The following PLGRKT variants were observed in gnomAD, a reference collection of about 807,000 sequenced individuals.
The protein encoded by PLGRKT is plasminogen receptor with a C-terminal lysine.
Under a neutral mutation model 18.5 loss-of-function variants are expected in PLGRKT, and 22 were observed. The observed-to-expected ratio is 1.19, with a 90% CI of 0.85 to 1.70. PLGRKT has a LOEUF of 1.70. PLGRKT is among the 40% of genes most tolerant of loss of function. The probability of loss-of-function intolerance (pLI) is 0.00; values close to 1 mark genes in which losing one functional copy is unlikely to be tolerated. For synonymous variants in PLGRKT, 72 were observed against 52.8 expected (o/e 1.36, Z -1.58); for missense variants, 235 against 174.4 (o/e 1.35, Z -1.96).
chr9:5,361,046 CA>C, intron 5 of PLGRKT, 31 bp downstream of exon 5: 1 of 1,087,236 alleles, frequency 9.2e-7, no homozygotes. Context: ...AATAAATCAG[CA>C]AATAGAAACT....
At chr9:5,404,123 G>C (rs1190526618) in intron 3 of PLGRKT, among the ~76,000 whole-genome samples, 1 of 152,150 alleles carries the variant, frequency 6.6e-6, no homozygotes, top group Non-Finnish European at 1.5e-5. Flanking sequence ...TGAAATTGAG[G>C]CAGTAATGAA....
Position 5,418,677 on chromosome 9 carries a change from C to T in PLGRKT, c.81+13220G>A. On this transcript the variant is annotated intron_variant, in intron 3 of 5. Transcript: ENST00000223864. The surrounding 1 kb of genome is among the most constrained non-coding windows in gnomAD (Gnocchi z 4.2). ...GCTCCTTGGAGATGGGCAGGGGCAG[C>T]ATGTAGCACCCACTGCCGGGAAGTC... 1 of 667,238 alleles carries T rather than the reference C, an allele frequency of 1.5e-6. No homozygotes were observed. The highest frequency in any genetic ancestry group is 2.8e-5 in the East Asian group (1 of 35,732). The allele number at this position is 667,238 out of a possible 1,614,324, so 41.3% of individuals were successfully genotyped here. A position where few individuals can be genotyped will look rare whatever the true frequency, so the allele number is the denominator to read the frequency against.
At chr9:5,387,956 A>G (rs1052919121) in intron 3 of PLGRKT, among the ~76,000 whole-genome samples, 11 of 151,712 alleles carry the variant, frequency 7.3e-5, no homozygotes, top group Admixed American at 2.0e-4. Context: ...TGGAATTGGG[A>G]GCTGAAATGA....
At position 5,418,035 on chromosome 9, in the gene PLGRKT, T is replaced by C. The variant is rs1250790954; in HGVS notation, c.81+13862A>G. ...TCGAGAAGATCACATTGTACGCACTTGTGGAGTTTAACGTCTAAGTAGAAT... is the reference window on the plus strand; with the variant it reads ...TCGAGAAGATCACATTGTACGCACTCGTGGAGTTTAACGTCTAAGTAGAAT... On this transcript the variant is annotated intron_variant, in intron 3 of 5. Coordinates refer to ENST00000223864, the MANE Select transcript of PLGRKT (RefSeq NM_018465.4). This position sits in a 1 kb window ranked among gnomAD's most constrained non-coding sequence, Gnocchi z 4.2. Among the ~76,000 whole-genome samples, 2 of 152,234 alleles carry C rather than the reference T, an allele frequency of 1.3e-5. No individual in the cohort carries two copies. The highest frequency in any genetic ancestry group is 2.4e-5 in the African/African-American group (1 of 41,462).
At chr9:5,401,956 AT>A (rs529922116) in intron 3 of PLGRKT, among the ~76,000 whole-genome samples, 1,902 of 150,166 alleles carry the variant, frequency 0.013, 71 homozygotes, top group African/African-American at 0.045. Flanking sequence ...TTTAGTGTGG[AT>A]TTTTTTTTTC....
rs577465133 is a variant in PLGRKT, at chr9:5,391,563, G to C, written c.82-29675C>G. 4.0e-5 allele frequency among the ~76,000 whole-genome samples: 6 copies of C among 151,874 alleles called. No individual in the cohort carries two copies. The South Asian group carries it at 1.2e-3, about 32-fold the overall frequency. Reference sequence around the variant, plus strand: ...AAGCAGTGATAAACTGGTGTAGACCGAACTCTGCTTTCTCCATGTCACCCT... The same window carrying C: ...AAGCAGTGATAAACTGGTGTAGACCCAACTCTGCTTTCTCCATGTCACCCT... On this transcript the variant is annotated intron_variant, in intron 3 of 5. Transcript: ENST00000223864.
intron 3 of PLGRKT, among the ~76,000 whole-genome samples, chr9:5,388,336 G>C (rs1398309300): frequency 1.3e-5 from 2 of 151,898 alleles, no homozygotes; most frequent in Non-Finnish European, 2.9e-5. Flanking sequence ...AAGTTGCTGA[G>C]AAATTGGGTG....
intron 3 of PLGRKT, among the ~76,000 whole-genome samples, chr9:5,366,145 T>G (rs1817381861): frequency 6.6e-6 from 1 of 152,170 alleles, no homozygotes; most frequent in Non-Finnish European, 1.5e-5. Flanking sequence ...ATCAAATTAA[T>G]AAACTTGACT....
At chr9:5,359,478 A>T (rs1452739171) in intron 5 of PLGRKT, among the ~76,000 whole-genome samples, 6 of 152,210 alleles carry the variant, frequency 3.9e-5, no homozygotes, top group African/African-American at 4.8e-5. Flanking sequence ...AGCAAGTAAA[A>T]TTCATTATAA....
At chr9:5,429,775 G>C (rs1003397307) in intron 3 of PLGRKT, among the ~76,000 whole-genome samples, 2 of 152,182 alleles carry the variant, frequency 1.3e-5, no homozygotes, top group Admixed American at 6.5e-5. Flanking sequence ...TGAATTTGGA[G>C]ACAGGAGACA....
chr9:5,389,061 G>C (rs1817897267), intron 3 of PLGRKT, among the ~76,000 whole-genome samples: 1 of 151,962 alleles, frequency 6.6e-6, no homozygotes, highest in Non-Finnish European at 1.5e-5. Flanking sequence ...GAGGGTATTA[G>C]AGAGGACTTA....
At chr9:5,399,269 T>C (rs1053064647) in intron 3 of PLGRKT, among the ~76,000 whole-genome samples, 2 of 151,936 alleles carry the variant, frequency 1.3e-5, no homozygotes, top group African/African-American at 2.4e-5. Flanking sequence ...ATTTAATTCA[T>C]AGACCAGCCA....
At chr9:5,407,541 G>A (rs1306941884) in intron 3 of PLGRKT, among the ~76,000 whole-genome samples, 1 of 152,018 alleles carries the variant, frequency 6.6e-6, no homozygotes, top group East Asian at 1.9e-4. Context: ...TTTAAAAAGT[G>A]TTGAGTAAAT....
chr9:5,375,206 T>C (rs933803123), intron 3 of PLGRKT, among the ~76,000 whole-genome samples: 3 of 152,240 alleles, frequency 2.0e-5, no homozygotes, highest in African/African-American at 7.2e-5. Flanking sequence ...AGTTGTTTAG[T>C]CACACTGACT....
intron 3 of PLGRKT, among the ~76,000 whole-genome samples, chr9:5,396,975 A>T (rs1425604476): frequency 6.6e-6 from 1 of 152,036 alleles, no homozygotes; most frequent in Non-Finnish European, 1.5e-5. Flanking sequence ...CAGTGACAAT[A>T]AAGGCAAACA....
intron 3 of PLGRKT, chr9:5,392,481 C>T (rs1272621491): frequency 6.6e-6 from 1 of 151,926 alleles, no homozygotes; most frequent in Non-Finnish European, 1.5e-5. Context: ...CACATTCTCA[C>T]ATTAGCATGT....
At chr9:5,374,472 TG>T (rs1362555937) in intron 3 of PLGRKT, among the ~76,000 whole-genome samples, 2 of 152,250 alleles carry the variant, frequency 1.3e-5, no homozygotes, top group Non-Finnish European at 2.9e-5. Flanking sequence ...CTTCATGTCC[TG>T]CCAGGCTTTT....
Position 5,434,318 on chromosome 9 carries a change from G to A in PLGRKT, c.-7+2251C>T, listed in dbSNP as rs527502653. On this transcript the variant is annotated intron_variant, in intron 2 of 5. Coordinates refer to ENST00000223864, the MANE Select transcript of PLGRKT (RefSeq NM_018465.4). The stretch of plus-strand genomic sequence containing the variant: ...CGGCCGCCCCGTCTGGGAAGTGGGC[G>A]CCTCTGCCTGGCCACCCCGTCTGGG... Among the ~76,000 whole-genome samples, 848 of 139,166 alleles carry A rather than the reference G, an allele frequency of 6.1e-3. 10 individuals are homozygous for A. Among genetic ancestry groups the A allele is most frequent in the African/African-American group, 0.022 (809 of 36,318 alleles). 91.3% of individuals were successfully genotyped at this position (139,166 alleles called of 152,430 possible). A position where few individuals can be genotyped will look rare whatever the true frequency, so the allele number is the denominator to read the frequency against.
At chr9:5,385,913 C>T (rs959546973) in intron 3 of PLGRKT, among the ~76,000 whole-genome samples, 3 of 151,780 alleles carry the variant, frequency 2.0e-5, no homozygotes, top group Non-Finnish European at 4.4e-5. Context: ...TGCCCATTAG[C>T]ATTATTTTAG....
Sources: gnomAD v4.1 joint callset for allele counts (sites outside exome capture counted in the v4.1 genomes callset) on GRCh38, gnomAD v4.1.1 for gene constraint, Gnocchi (gnomAD v3.1) non-coding constraint, MANE v1.5 for transcripts, NCBI Gene and HGNC (gene_info 2026-07-23, HGNC 2026-07-21) for gene names.